MRPL13: variants seen among roughly 807,000 people sequenced by gnomAD.
MRPL13 encodes the protein mitochondrial ribosomal protein L13, also known as large ribosomal subunit protein uL13m.
Under a neutral mutation model 29.0 loss-of-function variants are expected in MRPL13, and 33 were observed. The observed-to-expected ratio is 1.14, with a 90% CI of 0.86 to 1.52. MRPL13 has a LOEUF of 1.52. Among genes scored for constraint, MRPL13 ranks in the 40% most tolerant of loss-of-function variants. The pLI is 0.00. For synonymous variants in MRPL13, 77 were observed against 68.4 expected (o/e 1.13, Z -0.62); for missense variants, 227 against 216.7 (o/e 1.05, Z -0.30).
chr8:120,407,667 A>T (rs1812690975), intron 6 of MRPL13, among the ~76,000 whole-genome samples: 1 of 151,500 alleles, frequency 6.6e-6, no homozygotes, highest in South Asian at 2.1e-4. Flanking sequence ...ACAAAACAAA[A>T]CAAAACAAAA....
intron 2 of MRPL13, among the ~76,000 whole-genome samples, chr8:120,436,650 T>C (rs1813058335): frequency 6.6e-6 from 1 of 152,200 alleles, no homozygotes; most frequent in South Asian, 2.1e-4. Context: ...CTGTTTGATT[T>C]AGCATAGTGG....
In MRPL13 at chr8:120,419,986, G is replaced by GT. The variant is rs776969978; in HGVS notation, c.307-49dup. On this transcript the variant is annotated intron_variant, in intron 4 of 6. Transcript: ENST00000306185. ...AATAAGAAAATTGTGACTTGCGATA[G>GT]TAAGAAAGCAAACATAATTAGAGAT... The GT allele has an allele frequency of 9.6e-6, 12 of 1,243,698 alleles. No individual in the cohort carries two copies. In the South Asian group the frequency reaches 1.8e-4, roughly 19 times the overall value. The allele number at this position is 1,243,698 out of a possible 1,614,324, so 77.0% of individuals were successfully genotyped here.
chr8:120,404,143 A>C (rs1296425216), intron 6 of MRPL13, among the ~76,000 whole-genome samples: 1 of 152,228 alleles, frequency 6.6e-6, no homozygotes, highest in Non-Finnish European at 1.5e-5. Flanking sequence ...AGACACCAGT[A>C]CATTTTAAGA....
In MRPL13 at chr8:120,414,054, A is replaced by C; in HGVS notation, c.452T>G (p.Ile151Arg). 1 of 1,602,304 alleles carries C rather than the reference A, an allele frequency of 6.2e-7. No individual in the cohort carries two copies. Among genetic ancestry groups the C allele is most frequent in the Non-Finnish European group, 8.5e-7 (1 of 1,175,432 alleles). Residue 151 changes from isoleucine (I) to arginine (R), a missense_variant, in exon 6 of 7, where the codon ATA (isoleucine) becomes AGA (arginine). By Grantham distance (97) the Ile-to-Arg change is moderately conservative. Transcript: ENST00000306185. ...LVEELPQPRKIPKRLDEYTQE... is the reference protein window; with the variant it reads ...LVEELPQPRKRPKRLDEYTQE... Reference sequence around the variant, plus strand: ...TGTGTACTCATCTAGACGTTTAGGTATTTTTCGTGGTTGAGGAAGCTCCTC... The same window carrying C: ...TGTGTACTCATCTAGACGTTTAGGTCTTTTTCGTGGTTGAGGAAGCTCCTC...
intron 5 of MRPL13, among the ~76,000 whole-genome samples, chr8:120,416,521 A>T (rs893540139): frequency 8.6e-5 from 13 of 151,432 alleles, no homozygotes; most frequent in African/African-American, 7.4e-5. Context: ...AAATAAAAAT[A>T]AAGAGTTCCC....
chr8:120,411,082 C>T (rs6991936), intron 6 of MRPL13, among the ~76,000 whole-genome samples: 31,439 of 151,532 alleles, frequency 0.21, 3,435 homozygotes, highest in Middle Eastern at 0.27. Context: ...CCCCTTCTCT[C>T]GACAAGTCTT....
chr8:120,407,286 T>C (rs1431940920), intron 6 of MRPL13, among the ~76,000 whole-genome samples: 1 of 152,178 alleles, frequency 6.6e-6, no homozygotes, highest in Admixed American at 6.5e-5. Flanking sequence ...TATTATAAAA[T>C]GGTAGGAAAA....
At chr8:120,426,711 C>T (rs978383498) in intron 3 of MRPL13, among the ~76,000 whole-genome samples, 4 of 152,106 alleles carry the variant, frequency 2.6e-5, no homozygotes, top group African/African-American at 7.2e-5. Context: ...ATAACTCATT[C>T]TTTCCTCCAA....
intron 4 of MRPL13, among the ~76,000 whole-genome samples, chr8:120,422,221 G>T (rs898668667): frequency 2.0e-5 from 3 of 151,600 alleles, no homozygotes; most frequent in Admixed American, 2.0e-4. Context: ...CCTGACAATA[G>T]ATATTTATTT....
intron 6 of MRPL13, among the ~76,000 whole-genome samples, chr8:120,411,755 G>A (rs1171912766): frequency 6.6e-6 from 1 of 152,126 alleles, no homozygotes; most frequent in Non-Finnish European, 1.5e-5. Context: ...AATGAAGAGA[G>A]AGGGCAGGAA....
At chr8:120,414,272 A>C in intron 5 of MRPL13, 160 bp from the exon 6 acceptor site, 1 of 550,450 alleles carries the variant, frequency 1.8e-6, no homozygotes, top group Non-Finnish European at 2.7e-6. Context: ...AATTCCCCAA[A>C]AGTACATTAG....
intron 6 of MRPL13, among the ~76,000 whole-genome samples, chr8:120,413,223 G>A (rs919218112): frequency 6.6e-6 from 1 of 152,266 alleles, no homozygotes; most frequent in East Asian, 1.9e-4. Flanking sequence ...ATAAATACTG[G>A]CTGAGTGTCT....
chr8:120,398,883 C>A (rs1459615369), intron 6 of MRPL13, among the ~76,000 whole-genome samples: 1 of 151,658 alleles, frequency 6.6e-6, no homozygotes, highest in East Asian at 1.9e-4. Context: ...GCAGAATAGA[C>A]CAAGTATCTT....
intron 6 of MRPL13, among the ~76,000 whole-genome samples, chr8:120,408,153 A>T (rs79745470): frequency 0.018 from 2,732 of 152,212 alleles, 89 homozygotes; most frequent in African/African-American, 0.063. Context: ...ATGTTTTTTT[A>T]AATCCTTTCT....
chr8:120,430,491 T>C (rs1248287268), intron 3 of MRPL13, among the ~76,000 whole-genome samples: 1 of 152,126 alleles, frequency 6.6e-6, no homozygotes, highest in Non-Finnish European at 1.5e-5. Flanking sequence ...AATAAAGTAG[T>C]ATGTCCAAAG....
chr8:120,434,955 T>C (rs1813036905), intron 2 of MRPL13, among the ~76,000 whole-genome samples: 1 of 152,170 alleles, frequency 6.6e-6, no homozygotes, highest in Non-Finnish European at 1.5e-5. Context: ...CATAGAGTTA[T>C]CAGACACAAT....
chr8:120,421,600 C>G (rs879547889), intron 4 of MRPL13, among the ~76,000 whole-genome samples: 1 of 151,690 alleles, frequency 6.6e-6, no homozygotes, highest in Non-Finnish European at 1.5e-5. Flanking sequence ...ACGAGCCATT[C>G]TTTTTCAAAA....
intron 6 of MRPL13, among the ~76,000 whole-genome samples, chr8:120,400,044 T>C (rs1221745324): frequency 1.3e-5 from 2 of 152,184 alleles, no homozygotes; most frequent in Admixed American, 6.5e-5. Flanking sequence ...TGGGAGACTT[T>C]AATGCCCCAC....
chr8:120,431,877 T>A (rs1467982966), intron 3 of MRPL13, among the ~76,000 whole-genome samples, 153 bp downstream of exon 3: 3 of 152,164 alleles, frequency 2.0e-5, no homozygotes, highest in African/African-American at 7.2e-5. Context: ...GTGTGGTTTT[T>A]AAAAATTGAG....
Sources: allele counts gnomAD v4.1 joint callset (sites outside exome capture counted in the v4.1 genomes callset), GRCh38; gene constraint gnomAD v4.1.1; transcripts MANE v1.5; gene names NCBI Gene and HGNC (gene_info 2026-07-23, HGNC 2026-07-21).